ZZEF1: variants seen among roughly 807,000 people sequenced by gnomAD.
The protein encoded by ZZEF1 is zinc finger ZZ-type and EF-hand domain containing 1, also known as zinc finger ZZ-type and EF-hand domain-containing protein 1.
In ZZEF1, 157 loss-of-function variants were observed where a neutral mutation model predicts 342.8. The ratio of observed to expected loss-of-function variants is 0.46; its 90% CI spans 0.40 to 0.52. ZZEF1 has a LOEUF of 0.52. Among genes scored for constraint, ZZEF1 ranks in the 20% least tolerant of loss-of-function variants. The pLI, the probability that ZZEF1 is intolerant of heterozygous loss-of-function variation, is 0.00. For missense variants in ZZEF1, 3,480 were observed against 3,725.6 expected, an observed-to-expected ratio of 0.93 and a Z score of 1.72; for synonymous variants, 1,505 against 1,429.1, an observed-to-expected ratio of 1.05 and a Z score of -1.20.
intron 42 of ZZEF1, among the ~76,000 whole-genome samples, chr17:4,030,022 C>T (rs1298771184): frequency 7.8e-6 from 1 of 127,810 alleles, no homozygotes; most frequent in Non-Finnish European, 1.6e-5. Flanking sequence ...ATGCTGAGAT[C>T]CTATTAAAAA....
At position 4,059,271 on chromosome 17, in the gene ZZEF1, C is replaced by T. The variant is rs781128717; in HGVS notation, c.4903G>A (p.Gly1635Ser). ...TCTTTGTGTAGATCAGCACCACAGC[C>T]TTCCAGGTGTCCAAAATAACTAGAA... is the stretch of plus-strand genomic sequence containing the variant. ...DFTNYFGHLE[G>S]CGADLHKEIR... Residue 1635 changes from glycine (G) to serine (S), a missense_variant, in exon 31 of 55, where the codon GGC becomes AGC. By Grantham distance (56) the Gly-to-Ser change is moderately conservative (BLOSUM62 0). Around this residue, in one of 5 missense-constraint regions of ZZEF1, gnomAD observed 1,528 missense variants for 1,624.1 expected, o/e 0.94. Transcript: ENST00000381638. The T allele has an allele frequency of 1.3e-6, 2 of 1,594,988 alleles. No individual in the cohort carries two copies. The highest frequency in any genetic ancestry group is 1.7e-6 in the Non-Finnish European group (2 of 1,174,540).
At chr17:4,075,222 AC>A in intron 22 of ZZEF1, 40 bp downstream of exon 22, 1 of 1,613,538 alleles carries the variant, frequency 6.2e-7, no homozygotes, top group Non-Finnish European at 8.5e-7. Context: ...CTCATTGCTG[AC>A]CTATTAGCGC....
chr17:4,055,488 T>A (rs182748524), intron 33 of ZZEF1, among the ~76,000 whole-genome samples: 1 of 152,192 alleles, frequency 6.6e-6, no homozygotes, highest in African/African-American at 2.4e-5. Flanking sequence ...ATCTGAATCA[T>A]GCAGCTCTGA....
intron 31 of ZZEF1, 36 bp from the exon 32 acceptor site, chr17:4,058,191 C>A (rs1463825647): frequency 6.3e-7 from 1 of 1,581,902 alleles, no homozygotes; most frequent in East Asian, 2.3e-5. Flanking sequence ...AGCAGAGCTG[C>A]TTACTCCCAA....
chr17:4,135,111 G>A (rs2058728018), intron 1 of ZZEF1, among the ~76,000 whole-genome samples: 1 of 152,166 alleles, frequency 6.6e-6, no homozygotes, highest in Admixed American at 6.5e-5. Flanking sequence ...AGACTATTAA[G>A]GGTGGAGGGC....
chr17:4,072,777 A>G (rs1354453261), intron 24 of ZZEF1, 21 bp from the exon 25 acceptor site: 1 of 1,583,664 alleles, frequency 6.3e-7, no homozygotes, highest in East Asian at 2.3e-5. Flanking sequence ...AAGAAGACAT[A>G]TGACAGTTCT....
intron 30 of ZZEF1, among the ~76,000 whole-genome samples, chr17:4,060,666 T>C (rs1342773725): frequency 6.6e-6 from 1 of 151,400 alleles, no homozygotes; most frequent in African/African-American, 2.4e-5. Flanking sequence ...ACTACCTCCT[T>C]CTCATCCTTC....
intron 52 of ZZEF1, among the ~76,000 whole-genome samples, chr17:4,010,546 A>T (rs937102997): frequency 9.2e-5 from 14 of 151,970 alleles, no homozygotes; most frequent in Admixed American, 3.3e-4. Context: ...CAACACAGTG[A>T]AACCCCGTCT....
intron 36 of ZZEF1, among the ~76,000 whole-genome samples, chr17:4,050,387 A>G (rs2057019618): frequency 2.0e-5 from 3 of 152,200 alleles, no homozygotes; most frequent in Admixed American, 2.0e-4. Flanking sequence ...ATATATTGCT[A>G]AACTATTTTA....
At position 4,142,963 on chromosome 17, in the gene ZZEF1, C is replaced by A; in HGVS notation, c.-68G>T. On this transcript the variant is annotated 5_prime_UTR_variant, in exon 1 of 55. The change creates a new upstream start codon in the 5' untranslated region. Coordinates refer to ENST00000381638, the MANE Select transcript of ZZEF1 (RefSeq NM_015113.4). ...CGCCTCCCCGCCTCGACCTGTCAAC[C>A]TCCGACAGCAGCTGGCGGGCGGGGA... 7.8e-7 allele frequency: 1 copy of A among 1,279,980 alleles called. No individual in the cohort carries two copies. The allele number at this position is 1,279,980 out of a possible 1,614,324, so 79.3% of individuals were successfully genotyped here.
chr17:4,142,919 G>T lies in ZZEF1; in HGVS notation c.-24C>A. On this transcript the variant is annotated 5_prime_UTR_variant, in exon 1 of 55. Transcript: ENST00000381638. ...ATGGGGTCTCCGTCTTGGGCGCCTG[G>T]CTCTGCAGCCGCCGCCGCCGCCTCC... 1 of 1,304,260 alleles carries T rather than the reference G, an allele frequency of 7.7e-7. No homozygotes were observed. The highest frequency in any genetic ancestry group is 2.3e-5 in the South Asian group (1 of 43,214). 80.8% of individuals were successfully genotyped at this position (1,304,260 alleles called of 1,614,324 possible).
At chr17:4,028,498 G>A (rs1253441714) in intron 42 of ZZEF1, among the ~76,000 whole-genome samples, 6 of 146,710 alleles carry the variant, frequency 4.1e-5, no homozygotes, top group African/African-American at 7.6e-5. Context: ...GCAGTGAGCC[G>A]AGATCACACC....
chr17:4,136,562 C>T (rs1389950323), intron 1 of ZZEF1, among the ~76,000 whole-genome samples: 2 of 152,062 alleles, frequency 1.3e-5, no homozygotes, highest in Admixed American at 1.3e-4. Context: ...CAGGCTGGCT[C>T]GAGGCCCAGT....
At chr17:4,080,653 G>C (rs1276970313) in intron 18 of ZZEF1, among the ~76,000 whole-genome samples, 1 of 152,064 alleles carries the variant, frequency 6.6e-6, no homozygotes, top group East Asian at 1.9e-4. Flanking sequence ...GCCTCCCAAA[G>C]TGCTGGGATT....
chr17:4,054,092 C>G lies in ZZEF1; in HGVS notation c.5399G>C (p.Cys1800Ser). The G allele has an allele frequency of 6.2e-7, 1 of 1,613,748 alleles. No homozygotes were observed. The highest frequency in any genetic ancestry group is 8.5e-7 in the Non-Finnish European group (1 of 1,179,816). ...APWHRYRCLQCSDMDLCKTCF... is the reference protein window; with the variant it reads ...APWHRYRCLQSSDMDLCKTCF... ...AGTTTTGCAGAGATCCATGTCGCTG[C>G]ACTGCAGACAGCGGTATCGATGCCA... Residue 1800 changes from cysteine to serine, a missense_variant, in exon 34 of 55, where the codon TGC becomes TCC. Physicochemically the swap from Cys to Ser is moderately radical, Grantham distance 112. Transcript: ENST00000381638.
chr17:4,024,131 G>C (rs1284444283), intron 43 of ZZEF1, among the ~76,000 whole-genome samples: 1 of 148,808 alleles, frequency 6.7e-6, no homozygotes, highest in Non-Finnish European at 1.5e-5. Context: ...CTGCCTCTCA[G>C]GTATGGGAAA....
At chr17:4,073,397 G>T (rs1049984342) in intron 24 of ZZEF1, among the ~76,000 whole-genome samples, 1 of 152,174 alleles carries the variant, frequency 6.6e-6, no homozygotes, top group Non-Finnish European at 1.5e-5. Context: ...TTGTTCCCTG[G>T]AAGAATTAAA....
At chr17:4,104,247 A>AG (rs1281163740) in intron 8 of ZZEF1, among the ~76,000 whole-genome samples, 1 of 152,216 alleles carries the variant, frequency 6.6e-6, no homozygotes, top group Non-Finnish European at 1.5e-5. Context: ...TATCTTGGCT[A>AG]GTTTCCTCCC....
chr17:4,059,123 GA>G, intron 31 of ZZEF1, 47 bp downstream of exon 31: 1 of 1,448,762 alleles, frequency 6.9e-7, no homozygotes. Flanking sequence ...TTTATAATCA[GA>G]AAAAAATACA....
Sources: gnomAD v4.1 joint callset for allele counts (sites outside exome capture counted in the v4.1 genomes callset) on GRCh38, gnomAD v4.1.1 for gene constraint, gnomAD v4.1.1 regional missense constraint, MANE v1.5 for transcripts, NCBI Gene and HGNC (gene_info 2026-07-23, HGNC 2026-07-21) for gene names.